Variants in SLCO3A1 observed in about 807,000 individuals in gnomAD.
SLCO3A1 encodes PGE1 transporter.
Under a neutral mutation model 63.1 loss-of-function variants are expected in SLCO3A1, and 27 were observed. That is an observed-to-expected ratio of 0.43 (90% CI 0.32 to 0.59). The LOEUF is 0.59. SLCO3A1 is among the 20% of genes least tolerant of loss of function. SLCO3A1 has a pLI of 0.09. For missense variants in SLCO3A1, 773 were observed against 945.8 expected, an observed-to-expected ratio of 0.82 and a Z score of 2.40; for synonymous variants, 473 against 409.9, an observed-to-expected ratio of 1.15 and a Z score of -1.86.
chr15:91,973,029 C>T (rs1194527626), intron 2 of SLCO3A1, among the ~76,000 whole-genome samples: 1 of 152,150 alleles, frequency 6.6e-6, no homozygotes, highest in Non-Finnish European at 1.5e-5. Flanking sequence ...GCAGGAGAAT[C>T]GCTTGAACCC....
chr15:92,053,684 G>GTTTTTTTTTTTTTT (rs1567092399), intron 2 of SLCO3A1, among the ~76,000 whole-genome samples: 1 of 14,924 alleles, frequency 6.7e-5, no homozygotes, highest in African/African-American at 1.1e-4. Context: ...TTGTTTTTTT[G>GTTTTTTTTTTTTTT]TTTGTTTGTT....
intron 5 of SLCO3A1, among the ~76,000 whole-genome samples, chr15:92,125,319 G>A (rs189499052): frequency 1.3e-5 from 2 of 152,144 alleles, no homozygotes; most frequent in Non-Finnish European, 2.9e-5. Context: ...CAAAACCAAC[G>A]CAGGAGCTTG....
chr15:92,037,808 T>C (rs1455999297), intron 2 of SLCO3A1, among the ~76,000 whole-genome samples: 2 of 152,140 alleles, frequency 1.3e-5, no homozygotes, highest in Non-Finnish European at 2.9e-5. Context: ...CTTCAGCTGG[T>C]TTTTAATTTT....
chr15:92,099,356 A>G (rs766543286), intron 3 of SLCO3A1, among the ~76,000 whole-genome samples: 68 of 152,120 alleles, frequency 4.5e-4, no homozygotes, highest in Non-Finnish European at 8.5e-4. Flanking sequence ...TCCAGTTTCT[A>G]ATTAGGTTTG....
Position 92,162,967 on chromosome 15 carries a change from C to T in SLCO3A1, c.1965C>T (p.Tyr655=). ...WQCLRKNYKR[Y]IKNHEGGLST... is the part of the protein sequence containing the mutation. ...GCCTGAGGAAAAACTATAAACGCTA[C>T]ATCAAAAACCACGAGGGCGGGCTGA... Residue 655 remains tyrosine (Y), a synonymous_variant, in exon 10 of 10, where the codon TAC becomes TAT. Coordinates refer to ENST00000318445, the MANE Select transcript of SLCO3A1 (RefSeq NM_013272.4). The T allele has an allele frequency of 6.2e-7, 1 of 1,614,072 alleles. No individual in the cohort carries two copies. Among genetic ancestry groups the T allele is most frequent in the Middle Eastern group, 1.7e-4 (1 of 6,060 alleles).
chr15:91,909,310 A>G (rs1898410389), intron 1 of SLCO3A1, among the ~76,000 whole-genome samples: 1 of 152,168 alleles, frequency 6.6e-6, no homozygotes, highest in South Asian at 2.1e-4. Flanking sequence ...ATAAAGTTTT[A>G]TTGAAACACA....
intron 6 of SLCO3A1, among the ~76,000 whole-genome samples, chr15:92,127,394 C>A (rs144786727): frequency 6.6e-6 from 1 of 152,180 alleles, no homozygotes; most frequent in African/African-American, 2.4e-5. Context: ...AGTTCCAGCG[C>A]CTCCTCTACC....
chr15:91,868,848 C>G (rs1441312015), intron 1 of SLCO3A1, among the ~76,000 whole-genome samples: 2 of 152,284 alleles, frequency 1.3e-5, no homozygotes, highest in East Asian at 3.9e-4. Context: ...GTTTAGGAAC[C>G]TACTCTTTCC....
intron 9 of SLCO3A1, among the ~76,000 whole-genome samples, chr15:92,151,616 C>G (rs2048307004): frequency 6.6e-6 from 1 of 152,202 alleles, no homozygotes; most frequent in Admixed American, 6.5e-5. Flanking sequence ...AAGGTCCTTC[C>G]TGGGCACTGG....
At position 91,912,879 on chromosome 15, in the gene SLCO3A1, G is replaced by C. The variant is rs1898529410; in HGVS notation, c.181-3114G>C. On this transcript the variant is annotated intron_variant, in intron 1 of 9. Transcript: ENST00000318445. The surrounding 1 kb of genome is among the most constrained non-coding windows in gnomAD (Gnocchi z 5.0). ...AGACTCACACAAAGGCCTGGGCGAG[G>C]CTCCCCAAAGCCCCCTACCTCCCAG... 1.3e-5 allele frequency among the ~76,000 whole-genome samples: 2 copies of C among 152,110 alleles called. No individual in the cohort carries two copies. The highest frequency in any genetic ancestry group is 6.5e-5 in the Admixed American group (1 of 15,278).
At chr15:92,055,771 G>A (rs1240002034) in intron 2 of SLCO3A1, among the ~76,000 whole-genome samples, 2 of 152,082 alleles carry the variant, frequency 1.3e-5, no homozygotes, top group South Asian at 2.1e-4. Flanking sequence ...ATCTTGAATC[G>A]AGGTTATCAG....
At chr15:91,953,825 G>A (rs1209214234) in intron 2 of SLCO3A1, among the ~76,000 whole-genome samples, 2 of 152,050 alleles carry the variant, frequency 1.3e-5, no homozygotes, top group Non-Finnish European at 2.9e-5. Flanking sequence ...TCCTGTATCC[G>A]AACACCCGTC....
At position 92,126,515 on chromosome 15, in the gene SLCO3A1, T is replaced by C. The variant is rs192695402; in HGVS notation, c.1373+256T>C. 2.9e-3 allele frequency among the ~76,000 whole-genome samples: 449 copies of C among 152,296 alleles called. 2 individuals are homozygous for C. Among genetic ancestry groups the C allele is most frequent in the Middle Eastern group, 3.4e-3 (1 of 294 alleles). On this transcript the variant is annotated intron_variant, in intron 6 of 9. Coordinates refer to ENST00000318445, the MANE Select transcript of SLCO3A1 (RefSeq NM_013272.4). ...CCTCCCTGGCAGACTCACATCGCGA[T>C]TTTTGGCATTTGACTTTAGGAAAAA...
intron 2 of SLCO3A1, among the ~76,000 whole-genome samples, chr15:91,992,395 T>G (rs1396302181): frequency 6.6e-6 from 1 of 152,230 alleles, no homozygotes; most frequent in African/African-American, 2.4e-5. Flanking sequence ...TTATCAGCTC[T>G]GACCTCGTGA....
intron 2 of SLCO3A1, among the ~76,000 whole-genome samples, chr15:92,040,620 G>T (rs2046785846): frequency 6.6e-6 from 1 of 152,102 alleles, no homozygotes; most frequent in African/African-American, 2.4e-5. Flanking sequence ...CTAAGAACCT[G>T]CTTGGTGCTC....
intron 2 of SLCO3A1, among the ~76,000 whole-genome samples, chr15:92,082,245 A>G (rs983029731): frequency 6.6e-5 from 10 of 152,222 alleles, no homozygotes; most frequent in African/African-American, 2.4e-4. Context: ...TCATGCACAT[A>G]TGATGCAGAA....
intron 2 of SLCO3A1, among the ~76,000 whole-genome samples, chr15:91,990,947 G>A (rs1371117624): frequency 6.6e-6 from 1 of 152,182 alleles, no homozygotes; most frequent in Non-Finnish European, 1.5e-5. Flanking sequence ...AAGAGCTGGG[G>A]AGCTGGTGCA....
In SLCO3A1 at chr15:92,165,343, G is replaced by T. The variant is rs2048485163; in HGVS notation, c.*2208G>T. The T allele has an allele frequency of 1.0e-6, 1 of 985,128 alleles. No homozygotes were observed. The highest frequency in any genetic ancestry group is 5.2e-4 in the Middle Eastern group (1 of 1,914). The allele number at this position is 985,128 out of a possible 1,614,324, so 61.0% of individuals were successfully genotyped here. On this transcript the variant is annotated 3_prime_UTR_variant, in exon 10 of 10. Coordinates refer to ENST00000318445, the MANE Select transcript of SLCO3A1 (RefSeq NM_013272.4). Reference sequence around the variant, plus strand: ...CTTCATAAAATATGTATGTTCTGTTGTTCCTAAGGCTTTGATAATATCCTG... The same window carrying T: ...CTTCATAAAATATGTATGTTCTGTTTTTCCTAAGGCTTTGATAATATCCTG...
chr15:92,039,354 C>G (rs2046767964), intron 2 of SLCO3A1, among the ~76,000 whole-genome samples: 1 of 152,080 alleles, frequency 6.6e-6, no homozygotes, highest in Admixed American at 6.6e-5. Flanking sequence ...TATCCAGAAT[C>G]TACAAGGAAC....
Sources: allele counts gnomAD v4.1 joint callset (sites outside exome capture counted in the v4.1 genomes callset), GRCh38; gene constraint gnomAD v4.1.1; non-coding constraint Gnocchi (gnomAD v3.1); transcripts MANE v1.5; gene names NCBI Gene and HGNC (gene_info 2026-07-23, HGNC 2026-07-21).